SV2C: variants seen among roughly 807,000 people sequenced by gnomAD.
SV2C encodes the protein synaptic vesicle glycoprotein 2C.
In SV2C, 49 loss-of-function variants were observed where a neutral mutation model predicts 79.7. That is an observed-to-expected ratio of 0.61 (90% CI 0.49 to 0.78). SV2C has a LOEUF of 0.78. SV2C is among the 30% of genes least tolerant of loss of function. The pLI is 0.00. For missense variants in SV2C, 833 were observed against 912.9 expected, an observed-to-expected ratio of 0.91 and a Z score of 1.13; for synonymous variants, 334 against 333.2, an observed-to-expected ratio of 1.00 and a Z score of -0.03.
chr5:76,334,689 A>G (rs1227390878), downstream of SV2C, among the ~76,000 whole-genome samples: 2 of 152,158 alleles, frequency 1.3e-5, no homozygotes, highest in East Asian at 1.9e-4. Flanking sequence ...CCTTTTTAAG[A>G]TCAAGGAGAA....
At chr5:76,292,365 T>C (rs1192821026) in intron 8 of SV2C, among the ~76,000 whole-genome samples, 1 of 152,224 alleles carries the variant, frequency 6.6e-6, no homozygotes, top group Non-Finnish European at 1.5e-5. Context: ...TTCTCAGCTC[T>C]ACTTTACCCC....
At chr5:75,873,207 A>G in the SV2C span, among the ~76,000 whole-genome samples, 2 of 152,190 alleles carry the variant, frequency 1.3e-5, no homozygotes, top group Non-Finnish European at 2.9e-5. Context: ...GAATACATGA[A>G]TCAATTGGTG....
At chr5:75,967,142 T>C in the SV2C span, among the ~76,000 whole-genome samples, 1 of 152,106 alleles carries the variant, frequency 6.6e-6, no homozygotes, top group Admixed American at 6.6e-5. Context: ...GAGACCAGCC[T>C]GAGCAACATG....
chr5:76,018,011 T>G, the SV2C span, among the ~76,000 whole-genome samples: 1 of 152,134 alleles, frequency 6.6e-6, no homozygotes, highest in Non-Finnish European at 1.5e-5. Flanking sequence ...TGCCACAGCC[T>G]CATGATTTTA....
chr5:75,999,082 A>G, the SV2C span, among the ~76,000 whole-genome samples: 70,011 of 151,762 alleles, frequency 0.46, 16,971 homozygotes, highest in Middle Eastern at 0.63. Flanking sequence ...AACGTGTGCA[A>G]GGGAACTCCT....
At chr5:76,104,284 CACT>C (rs2112124885) in intron 1 of SV2C, among the ~76,000 whole-genome samples, 1 of 152,314 alleles carries the variant, frequency 6.6e-6, no homozygotes, top group South Asian at 2.1e-4. Context: ...CAACAAAACG[CACT>C]ACAACAGAAT....
At chr5:75,880,609 C>A in the SV2C span, among the ~76,000 whole-genome samples, 1 of 152,196 alleles carries the variant, frequency 6.6e-6, no homozygotes, top group Non-Finnish European at 1.5e-5. Flanking sequence ...GAAACATCAT[C>A]AGCCTAGACT....
At chr5:76,054,439 T>C in the SV2C span, among the ~76,000 whole-genome samples, 1 of 152,242 alleles carries the variant, frequency 6.6e-6, no homozygotes, top group East Asian at 1.9e-4. Flanking sequence ...TTGTAAATAG[T>C]GCTGCAATAA....
chr5:76,220,621 A>AT lies in SV2C; in HGVS notation c.913+10734_913+10735insT, dbSNP rs1235835166. 2.6e-3 allele frequency among the ~76,000 whole-genome samples: 388 copies of AT among 151,478 alleles called. 1 individual carries two copies. The highest frequency in any genetic ancestry group is 4.3e-3 in the Non-Finnish European group (290 of 67,792). ...TCCCGGGAAGGGACACTGTCTTAAA[A>AT]AAAAAAAAAAAAAAAGAATTGACTA... On this transcript the variant is annotated intron_variant, in intron 4 of 12. Transcript: ENST00000502798.
At chr5:76,000,705 ATCCAGAGAGCTAACAC>A in the SV2C span, among the ~76,000 whole-genome samples, 1 of 152,196 alleles carries the variant, frequency 6.6e-6, no homozygotes, top group Non-Finnish European at 1.5e-5. Context: ...ACCACATCAC[ATCCAGAGAGCTAACAC>A]TCCTTGCTTG....
chr5:76,233,178 G>A (rs1224084098), intron 4 of SV2C, among the ~76,000 whole-genome samples: 1 of 133,450 alleles, frequency 7.5e-6, no homozygotes, highest in East Asian at 2.0e-4. Context: ...TGGATTCCTA[G>A]GTATTTTATT....
intron 11 of SV2C, 109 bp from the exon 12 acceptor site, chr5:76,301,277 C>T: frequency 7.0e-7 from 1 of 1,434,096 alleles, no homozygotes; most frequent in Non-Finnish European, 9.5e-7. Context: ...GCCCATCCTG[C>T]AGCTTCCACT....
At chr5:75,967,367 G>A in the SV2C span, among the ~76,000 whole-genome samples, 18 of 152,180 alleles carry the variant, frequency 1.2e-4, no homozygotes, top group Non-Finnish European at 2.4e-4. Flanking sequence ...CCGAAGCAGG[G>A]CAAGGCATCA....
intron 4 of SV2C, among the ~76,000 whole-genome samples, chr5:76,253,649 C>T (rs888976192): frequency 1.1e-4 from 17 of 150,082 alleles, no homozygotes; most frequent in Admixed American, 1.1e-3. Flanking sequence ...AATTACTCAA[C>T]ACATCCAGCC....
At chr5:76,248,509 T>G (rs1239450907) in intron 4 of SV2C, among the ~76,000 whole-genome samples, 1 of 152,162 alleles carries the variant, frequency 6.6e-6, no homozygotes, top group African/African-American at 2.4e-5. Flanking sequence ...CCAATATAGA[T>G]CTGAGGTACT....
the SV2C span, among the ~76,000 whole-genome samples, chr5:75,953,742 C>G: frequency 6.6e-6 from 1 of 151,946 alleles, no homozygotes; most frequent in African/African-American, 2.4e-5. Context: ...CGTTTTATAC[C>G]ATTTCTCAGA....
the SV2C span, among the ~76,000 whole-genome samples, chr5:75,878,343 G>A: frequency 1.3e-5 from 2 of 152,152 alleles, no homozygotes; most frequent in Non-Finnish European, 2.9e-5. Flanking sequence ...GGAAGTTGAA[G>A]TCTAGAGCTC....
At chr5:76,174,852 G>A (rs1580330220) in intron 2 of SV2C, among the ~76,000 whole-genome samples, 1 of 152,216 alleles carries the variant, frequency 6.6e-6, no homozygotes, top group African/African-American at 2.4e-5. Context: ...CGCTGATGCT[G>A]GAGGCAGGCT....
At chr5:76,251,503 A>G (rs73115559) in intron 4 of SV2C, among the ~76,000 whole-genome samples, 1,846 of 152,254 alleles carry the variant, frequency 0.012, 28 homozygotes, top group African/African-American at 0.042. Context: ...GTGAACTATG[A>G]TTGTGTCATT....
Sources: allele counts gnomAD v4.1 joint callset (sites outside exome capture counted in the v4.1 genomes callset), GRCh38; gene constraint gnomAD v4.1.1; transcripts MANE v1.5; gene names NCBI Gene and HGNC (gene_info 2026-07-23, HGNC 2026-07-21).